Variants in SDK1 observed in about 807,000 individuals in gnomAD.
SDK1 encodes the protein sidekick cell adhesion molecule 1.
SDK1 carries 157 observed loss-of-function variants against 245.5 expected under a neutral mutation model. The ratio of observed to expected loss-of-function variants is 0.64; its 90% confidence interval spans 0.56 to 0.73. The LOEUF (loss-of-function observed/expected upper bound fraction) is 0.73, where lower values mean the gene tolerates loss of function less well. SDK1 is among the 30% of genes least tolerant of loss of function. The pLI is 0.00. For missense variants in SDK1, 3,583 were observed against 3,002.3 expected (o/e 1.19, Z -4.52); for synonymous variants, 1,647 against 1,278.5 (o/e 1.29, Z -6.15).
chr7:3,697,156 T>A (rs1529657), intron 4 of SDK1, among the ~76,000 whole-genome samples: 1 of 152,024 alleles, frequency 6.6e-6, no homozygotes, highest in Non-Finnish European at 1.5e-5. Flanking sequence ...TGAACATCAA[T>A]GATCCCATGC....
intron 1 of SDK1, among the ~76,000 whole-genome samples, chr7:3,603,803 G>T (rs202020198): frequency 9.2e-5 from 14 of 152,164 alleles, no homozygotes; most frequent in Admixed American, 8.5e-4. Context: ...CATTCAGTAT[G>T]ATATTGGCTG....
chr7:4,099,548 A>G (rs1782399320), intron 22 of SDK1, among the ~76,000 whole-genome samples: 1 of 86,692 alleles, frequency 1.2e-5, no homozygotes, highest in Non-Finnish European at 2.4e-5. Context: ...TGAAGCCCTG[A>G]GTGTGAGCGC....
intron 1 of SDK1, among the ~76,000 whole-genome samples, chr7:3,311,189 G>C (rs1056163495): frequency 1.3e-5 from 2 of 152,112 alleles, no homozygotes; most frequent in African/African-American, 4.8e-5. Context: ...GATGGGCCTG[G>C]GGGGAGAGTA....
At chr7:3,671,404 T>C (rs372590058) in intron 4 of SDK1, among the ~76,000 whole-genome samples, 7 of 152,352 alleles carry the variant, frequency 4.6e-5, no homozygotes, top group African/African-American at 1.7e-4. Flanking sequence ...ATGGAATCAA[T>C]GTACATCTCC....
At chr7:3,345,141 C>T (rs764391964) in intron 1 of SDK1, among the ~76,000 whole-genome samples, 1 of 152,188 alleles carries the variant, frequency 6.6e-6, no homozygotes, top group Non-Finnish European at 1.5e-5. Context: ...CATTGAAGTA[C>T]ACAGAGGGCA....
chr7:3,444,579 C>A (rs535463283), intron 1 of SDK1, among the ~76,000 whole-genome samples: 1 of 152,190 alleles, frequency 6.6e-6, no homozygotes, highest in East Asian at 1.9e-4. Flanking sequence ...CCACCCAGAA[C>A]TGGACACACT....
rs972389213 is a variant in SDK1, at chr7:3,511,052, A to G, written c.299-108028A>G. Among the ~76,000 whole-genome samples, 4 of 152,248 alleles carry G rather than the reference A, an allele frequency of 2.6e-5. No individual in the cohort carries two copies. The East Asian group carries it at 7.7e-4, about 29-fold the overall frequency. ...GGAGGCTGTCACAGCAGACTAGACA[A>G]ATGGTGACAGTGGCTTGGGCCAGGG... On this transcript the variant is annotated intron_variant, in intron 1 of 44. Coordinates refer to ENST00000404826, the MANE Select transcript of SDK1 (RefSeq NM_152744.4).
chr7:3,952,467 C>T (rs1220943540), intron 7 of SDK1, among the ~76,000 whole-genome samples: 2 of 152,076 alleles, frequency 1.3e-5, no homozygotes, highest in African/African-American at 4.8e-5. Flanking sequence ...CCTATGATCC[C>T]AGCCACTCGG....
chr7:3,783,474 C>CAAA (rs56902874), intron 4 of SDK1, among the ~76,000 whole-genome samples: 2 of 135,700 alleles, frequency 1.5e-5, no homozygotes, highest in African/African-American at 5.2e-5. Flanking sequence ...CAGACCCCAC[C>CAAA]AAAAAAAAAA....
At chr7:3,328,015 T>C (rs954017198) in intron 1 of SDK1, among the ~76,000 whole-genome samples, 12 of 152,096 alleles carry the variant, frequency 7.9e-5, no homozygotes, top group Non-Finnish European at 1.2e-4. Context: ...CTGGAGGCTG[T>C]GAAAATTAGA....
chr7:3,505,687 C>A (rs574085358), intron 1 of SDK1, among the ~76,000 whole-genome samples: 5 of 152,256 alleles, frequency 3.3e-5, no homozygotes, highest in African/African-American at 1.2e-4. Context: ...AAACTCGGCC[C>A]TCTATGTCTG....
At chr7:3,637,227 A>G (rs58688082) in intron 2 of SDK1, among the ~76,000 whole-genome samples, 47,103 of 151,856 alleles carry the variant, frequency 0.31, 7,616 homozygotes, top group South Asian at 0.45. Context: ...CCCCCCAGGT[A>G]GCTGGGATTA....
intron 22 of SDK1, among the ~76,000 whole-genome samples, chr7:4,084,676 G>A (rs1271231749): frequency 1.4e-4 from 4 of 28,216 alleles, no homozygotes; most frequent in Admixed American, 2.8e-4. Context: ...GTTATGTTAC[G>A]TTATGTTATG....
chr7:3,874,539 C>T (rs938883370), intron 5 of SDK1, among the ~76,000 whole-genome samples: 2 of 152,172 alleles, frequency 1.3e-5, no homozygotes, highest in African/African-American at 4.8e-5. Flanking sequence ...CCTTCCCTAC[C>T]TGTCATGCTG....
chr7:4,151,520 C>T (rs59731582), intron 30 of SDK1, among the ~76,000 whole-genome samples: 2,094 of 152,230 alleles, frequency 0.014, 60 homozygotes, highest in African/African-American at 0.048. Flanking sequence ...GTTAGGAAAA[C>T]GAGGCTGCAG....
chr7:3,542,001 A>G (rs1455804583), intron 1 of SDK1, among the ~76,000 whole-genome samples: 1 of 152,256 alleles, frequency 6.6e-6, no homozygotes, highest in Non-Finnish European at 1.5e-5. Flanking sequence ...ACATGTATAC[A>G]TATGTAACAA....
intron 1 of SDK1, among the ~76,000 whole-genome samples, chr7:3,599,386 A>G (rs2128638199): frequency 6.6e-6 from 1 of 152,026 alleles, no homozygotes; most frequent in East Asian, 1.9e-4. Context: ...TTTTCAGATA[A>G]TGTGGTTTGC....
rs1017537520 is a variant in SDK1, at chr7:4,060,781, C to T, written c.2912-7057C>T. Among the ~76,000 whole-genome samples the T allele has an allele frequency of 4.4e-3, 667 of 152,192 alleles. 5 individuals are homozygous for T. The highest frequency in any genetic ancestry group is 0.015 in the African/African-American group (629 of 41,512). ...AGGGTTTTTATGGTTTTAGGTCTAA[C>T]GTTTAGGTCTTTAATCCATCTTGAA... On this transcript the variant is annotated intron_variant, in intron 19 of 44. Transcript: ENST00000404826.
At chr7:3,469,737 C>A (rs1781124058) in intron 1 of SDK1, among the ~76,000 whole-genome samples, 1 of 152,162 alleles carries the variant, frequency 6.6e-6, no homozygotes, top group Non-Finnish European at 1.5e-5. Flanking sequence ...TGACAGAAAA[C>A]ACATCTGCCT....
Sources: allele counts gnomAD v4.1 joint callset (sites outside exome capture counted in the v4.1 genomes callset), GRCh38; gene constraint gnomAD v4.1.1; transcripts MANE v1.5; gene names NCBI Gene and HGNC (gene_info 2026-07-23, HGNC 2026-07-21).